The following CEP68 variants were observed in gnomAD, a reference collection of about 807,000 sequenced individuals.
CEP68 encodes the protein centrosomal protein 68.
A neutral mutation model predicts 55.3 loss-of-function variants in CEP68; 26 were observed. That is an observed-to-expected ratio of 0.47 (90% CI 0.34 to 0.65). The LOEUF (loss-of-function observed/expected upper bound fraction) is 0.65. CEP68 is among the 30% of genes least tolerant of loss of function. The pLI, the probability that CEP68 is intolerant of heterozygous loss-of-function variation, is 0.01. For missense variants in CEP68, 957 were observed against 946.7 expected (o/e 1.01, Z -0.14); for synonymous variants, 402 against 383.2 (o/e 1.05, Z -0.57).
rs1668976419 is a variant in CEP68 at position 65,084,643 on chromosome 2, T to C, written c.*1009T>C. 6.6e-6 allele frequency: 1 copy of C among 152,230 alleles called. No individual in the cohort carries two copies. Among genetic ancestry groups the C allele is most frequent in the African/African-American group, 2.4e-5 (1 of 41,468 alleles). The allele number at this position is 152,230 out of a possible 1,614,324, so 9.4% of individuals were successfully genotyped here. On this transcript the variant is annotated 3_prime_UTR_variant, in exon 7 of 7. Transcript: ENST00000377990. ...ACAGAAAAGCACTTTTAAAGTTCTG[T>C]TGGGCCATGAATGAACCTGGAAGGA...
In CEP68 at chr2:65,077,909, G is replaced by A; in HGVS notation, c.2049G>A (p.Glu683=). ...KDIDEHQSLT[E]SVLQKGEILL... ...TAGATGAACATCAGTCTCTGACGGA[G>A]AGTGTCTTACAGAAGGGGGAGATTC... Residue 683 remains glutamate (E), a synonymous_variant, in exon 5 of 7, where the codon GAG becomes GAA. Coordinates refer to ENST00000377990, the MANE Select transcript of CEP68 (RefSeq NM_015147.3). 6.2e-7 allele frequency: 1 copy of A among 1,614,068 alleles called. No homozygotes were observed. The highest frequency in any genetic ancestry group is 8.5e-7 in the Non-Finnish European group (1 of 1,179,942).
Position 65,086,040 on chromosome 2 carries a change from G to C in CEP68, c.*2406G>C, listed in dbSNP as rs1457653548. Reference sequence around the variant, plus strand: ...CAGTTTCAAGATCTGGGTTCTTGGAGATCCATAGGTAAGCTCAGCAAATGG... The same window carrying C: ...CAGTTTCAAGATCTGGGTTCTTGGACATCCATAGGTAAGCTCAGCAAATGG... On this transcript the variant is annotated 3_prime_UTR_variant, in exon 7 of 7. Coordinates refer to ENST00000377990, the MANE Select transcript of CEP68 (RefSeq NM_015147.3). 1 of 151,814 alleles carries C rather than the reference G, an allele frequency of 6.6e-6. No individual in the cohort carries two copies. Among genetic ancestry groups the C allele is most frequent in the African/African-American group, 2.4e-5 (1 of 41,300 alleles). 9.4% of individuals were successfully genotyped at this position (151,814 alleles called of 1,614,324 possible). A position where few individuals can be genotyped will look rare whatever the true frequency, so the allele number is the denominator to read the frequency against.
At chr2:65,076,299 A>G (rs141287253) in intron 4 of CEP68, among the ~76,000 whole-genome samples, 147 of 152,294 alleles carry the variant, frequency 9.7e-4, no homozygotes, top group African/African-American at 3.3e-3. Flanking sequence ...AGGTGCAAAC[A>G]GAATAATTCC....
At chr2:65,077,178 A>G (rs1676806669) in intron 4 of CEP68, among the ~76,000 whole-genome samples, 1 of 151,770 alleles carries the variant, frequency 6.6e-6, no homozygotes, top group Non-Finnish European at 1.5e-5. Context: ...TTGTATTTTT[A>G]GTAGAGACGG....
rs750805115 is a variant in CEP68 at position 65,069,515 on chromosome 2, G to A, written c.71G>A (p.Gly24Glu). ...ACAAAGGCCCAGTCCTATGGGAGAG[G>A]GAGCTGCAGGGAGCGGGAGCTGGAC... is the stretch of plus-strand genomic sequence containing the variant. Reference protein sequence around the residue: ...EDTKAQSYGRGSCRERELDIP... With the variant: ...EDTKAQSYGRESCRERELDIP... Residue 24 changes from glycine (G) to glutamate (E), a missense_variant, in exon 2 of 7, where the codon GGG becomes GAG. Gly to Glu is a moderately conservative substitution (Grantham distance 98). Transcript: ENST00000377990. 1 of 1,577,562 alleles carries A rather than the reference G, an allele frequency of 6.3e-7. No individual in the cohort carries two copies. The highest frequency in any genetic ancestry group is 8.6e-7 in the Non-Finnish European group (1 of 1,160,220).
intron 1 of CEP68, among the ~76,000 whole-genome samples, chr2:65,065,841 A>C (rs1401219540): frequency 6.6e-6 from 1 of 152,020 alleles, no homozygotes; most frequent in Non-Finnish European, 1.5e-5. Flanking sequence ...CTGTAGTCCC[A>C]GCTACTCAGA....
intron 4 of CEP68, among the ~76,000 whole-genome samples, chr2:65,076,701 A>G (rs756752885): frequency 2.0e-5 from 3 of 152,192 alleles, no homozygotes; most frequent in Non-Finnish European, 2.9e-5. Flanking sequence ...AATAATAAGT[A>G]TAGGTATCAG....
intron 4 of CEP68, among the ~76,000 whole-genome samples, chr2:65,076,295 AAACAGAAT>A (rs1202286132): frequency 6.6e-6 from 1 of 152,170 alleles, no homozygotes; most frequent in Non-Finnish European, 1.5e-5. Context: ...GAGCAGGTGC[AAACAGAAT>A]AATTCCATCC....
At chr2:65,071,281 G>A in intron 2 of CEP68, 173 bp from the exon 3 acceptor site, 1 of 605,570 alleles carries the variant, frequency 1.7e-6, no homozygotes, top group South Asian at 2.0e-5. Context: ...GGGTCTCAGT[G>A]CTGCTGCTGG....
At chr2:65,073,015 A>G in intron 3 of CEP68, 35 bp downstream of exon 3, 1 of 1,608,796 alleles carries the variant, frequency 6.2e-7, no homozygotes, top group Non-Finnish European at 8.5e-7. Context: ...CTTTGTGTAC[A>G]GGTGTCTTGT....
chr2:65,060,270 A>G (rs1675847249), intron 1 of CEP68, among the ~76,000 whole-genome samples: 1 of 152,226 alleles, frequency 6.6e-6, no homozygotes, highest in Non-Finnish European at 1.5e-5. Context: ...TAAAGTGAAA[A>G]TGTCTGCTGA....
intron 6 of CEP68, 91 bp downstream of exon 6, chr2:65,082,800 T>G: frequency 9.2e-7 from 1 of 1,092,756 alleles, no homozygotes. Flanking sequence ...CAAGAACTAT[T>G]ATTTAAACAA....
chr2:65,066,262 T>A (rs1676158656), intron 1 of CEP68, among the ~76,000 whole-genome samples: 1 of 152,152 alleles, frequency 6.6e-6, no homozygotes, highest in Non-Finnish European at 1.5e-5. Flanking sequence ...GACAGTGACC[T>A]CAGTCAGGAA....
intron 1 of CEP68, among the ~76,000 whole-genome samples, chr2:65,064,463 G>C (rs1321476505): frequency 6.6e-6 from 1 of 152,128 alleles, no homozygotes; most frequent in Non-Finnish European, 1.5e-5. Context: ...GGCCGGGCGT[G>C]GTGGCTCACA....
chr2:65,059,399 C>A (rs1675805935), intron 1 of CEP68, among the ~76,000 whole-genome samples: 1 of 152,196 alleles, frequency 6.6e-6, no homozygotes, highest in Admixed American at 6.5e-5. Flanking sequence ...AATACCTTTC[C>A]CCTCCTCACT....
chr2:65,078,026 G>A, intron 5 of CEP68, 62 bp downstream of exon 5: 1 of 1,269,836 alleles, frequency 7.9e-7, no homozygotes. Flanking sequence ...CAGGCCCAGG[G>A]ACCGCACTAT....
intron 4 of CEP68, among the ~76,000 whole-genome samples, chr2:65,076,620 T>C (rs1676773877): frequency 7.7e-6 from 1 of 130,066 alleles, no homozygotes; most frequent in Admixed American, 8.3e-5. Flanking sequence ...CTCATTTTCT[T>C]ATATACTTGT....
chr2:65,062,529 T>A (rs1675960466), intron 1 of CEP68, among the ~76,000 whole-genome samples: 1 of 73,970 alleles, frequency 1.4e-5, no homozygotes, highest in African/African-American at 5.2e-5. Context: ...TGAGACTCCA[T>A]CTCAAAAAAA....
In CEP68 at chr2:65,072,211, AG is replaced by A; in HGVS notation, c.1116del (p.Glu372AspfsTer47). ...GCCCTGCCATTTTCTGGGCCCAGAG[AG>A]CCAAGCCTTAAGCAGTGGCCCTCCA... ...ATALPFSGPR[E>X]PSLKQWPSRV... On this transcript the variant is annotated frameshift_variant, in exon 3 of 7. Transcript: ENST00000377990. LOFTEE classifies it high-confidence loss of function. The A allele has an allele frequency of 1.2e-6, 2 of 1,614,014 alleles. No homozygotes were observed. The highest frequency in any genetic ancestry group is 1.7e-6 in the Non-Finnish European group (2 of 1,179,998).
Sources: allele counts gnomAD v4.1 joint callset (sites outside exome capture counted in the v4.1 genomes callset), GRCh38; gene constraint gnomAD v4.1.1; transcripts MANE v1.5; gene names NCBI Gene and HGNC (gene_info 2026-07-23, HGNC 2026-07-21).